Variants in RPS6KA2 observed in about 807,000 individuals in gnomAD.
RPS6KA2 encodes the protein ribosomal protein S6 kinase alpha-2.
RPS6KA2 carries 42 observed loss-of-function variants against 91.8 expected under a neutral mutation model. The ratio of observed to expected loss-of-function variants is 0.46; its 90% CI spans 0.36 to 0.59. The LOEUF is 0.59. Ranked by LOEUF, RPS6KA2 falls within the 20% of genes least tolerant of loss-of-function variation. The pLI is 0.00. For missense variants in RPS6KA2, 798 were observed against 978.5 expected, an observed-to-expected ratio of 0.82 and a Z score of 2.46; for synonymous variants, 414 against 393.6, an observed-to-expected ratio of 1.05 and a Z score of -0.61.
At chr6:166,671,059 C>T (rs74610161) in intron 2 of RPS6KA2, among the ~76,000 whole-genome samples, 17,341 of 152,126 alleles carry the variant, frequency 0.11, 1,041 homozygotes, top group Admixed American at 0.14. Flanking sequence ...GTGATCCACC[C>T]GTCTCTACCT....
At chr6:166,456,779 CTTCA>C (rs1780119826) in intron 12 of RPS6KA2, among the ~76,000 whole-genome samples, 1 of 152,210 alleles carries the variant, frequency 6.6e-6, no homozygotes. Flanking sequence ...GTCTTTAGCA[CTTCA>C]ATTACTACCT....
At chr6:166,676,252 G>A (rs1238423612) in intron 2 of RPS6KA2, among the ~76,000 whole-genome samples, 2 of 151,574 alleles carry the variant, frequency 1.3e-5, no homozygotes, top group Non-Finnish European at 2.9e-5. Context: ...AGGAGGCGGA[G>A]GTTGCAGTGA....
intron 1 of RPS6KA2, among the ~76,000 whole-genome samples, chr6:166,551,935 G>GCGACAAACTGAAGTCGTTGACA (rs1262267659): frequency 1.3e-5 from 2 of 152,228 alleles, no homozygotes; most frequent in Admixed American, 1.3e-4. Context: ...TTCAAGTGAG[G>GCGACAAACTGAAGTCGTTGACA]CGACAAACTG....
In RPS6KA2 at chr6:166,666,332, A is replaced by G. The variant is rs1225737885; in HGVS notation, c.124-127548T>C. Among the ~76,000 whole-genome samples the G allele has an allele frequency of 6.6e-6, 1 of 152,208 alleles. No individual in the cohort carries two copies. The highest frequency in any genetic ancestry group is 1.5e-5 in the Non-Finnish European group (1 of 68,038). Reference sequence around the variant, plus strand: ...AACCCATCCATCTTCCTAGCGCATCAATAATAATGTTCCACTAGCTAGTCA... The same window carrying G: ...AACCCATCCATCTTCCTAGCGCATCGATAATAATGTTCCACTAGCTAGTCA... On this transcript the variant is annotated intron_variant, in intron 2 of 21. Coordinates refer to the RPS6KA2 transcript ENST00000503859. The surrounding 1 kb of genome is among the most constrained non-coding windows in gnomAD (Gnocchi z 4.0).
chr6:166,787,987 A>AC (rs1400501654), intron 2 of RPS6KA2, among the ~76,000 whole-genome samples: 3 of 151,792 alleles, frequency 2.0e-5, no homozygotes, highest in African/African-American at 4.8e-5. Flanking sequence ...AAAAAAAAAA[A>AC]AAAAAACCAA....
At chr6:166,749,775 T>G (rs115146108) in intron 2 of RPS6KA2, among the ~76,000 whole-genome samples, 5,315 of 95,146 alleles carry the variant, frequency 0.056, 130 homozygotes, top group South Asian at 0.13. Context: ...AGGCCCCCAT[T>G]TCCTCAGGTC....
intron 2 of RPS6KA2, among the ~76,000 whole-genome samples, chr6:166,658,974 A>C (rs1788080679): frequency 6.6e-6 from 1 of 152,212 alleles, no homozygotes; most frequent in East Asian, 1.9e-4. Flanking sequence ...ACCCCGACCA[A>C]TGACATCCAC....
chr6:166,561,109 A>G (rs1176578259), intron 1 of RPS6KA2, among the ~76,000 whole-genome samples: 5 of 152,138 alleles, frequency 3.3e-5, no homozygotes, highest in Non-Finnish European at 7.4e-5. Context: ...ACAATCATAT[A>G]AACGACCTTC....
At chr6:166,758,690 G>A (rs1035340974) in intron 2 of RPS6KA2, among the ~76,000 whole-genome samples, 14 of 152,290 alleles carry the variant, frequency 9.2e-5, no homozygotes, top group East Asian at 1.9e-4. Flanking sequence ...TAGAGGCCAC[G>A]GCTAAGGATG....
At chr6:166,679,562 AAG>A (rs1395821596) in intron 2 of RPS6KA2, among the ~76,000 whole-genome samples, 1 of 152,214 alleles carries the variant, frequency 6.6e-6, no homozygotes, top group Non-Finnish European at 1.5e-5. Flanking sequence ...CATAGCCAAA[AAG>A]AGCTTGAACG....
Position 166,732,568 on chromosome 6 carries a change from C to A in RPS6KA2, c.123+125632G>T, listed in dbSNP as rs1790560172. On this transcript the variant is annotated intron_variant, in intron 2 of 21. Transcript: ENST00000503859. This position sits in a 1 kb window ranked among gnomAD's most constrained non-coding sequence, Gnocchi z 4.0. ...ATGATTTGAAAAACAGATGCCCACTCCAAGTCCATTCAACAGCCATCCACT... is the reference window on the plus strand; with the variant it reads ...ATGATTTGAAAAACAGATGCCCACTACAAGTCCATTCAACAGCCATCCACT... Among the ~76,000 whole-genome samples the A allele has an allele frequency of 2.0e-5, 3 of 152,362 alleles. No homozygotes were observed. Among genetic ancestry groups the A allele is most frequent in the Admixed American group, 2.0e-4 (3 of 15,304 alleles).
At chr6:166,673,196 G>A (rs769026949) in intron 2 of RPS6KA2, among the ~76,000 whole-genome samples, 1 of 152,182 alleles carries the variant, frequency 6.6e-6, no homozygotes, top group Non-Finnish European at 1.5e-5. Context: ...ACACTGTAGC[G>A]CTCTGAGCCA....
rs1476338483 is a variant in RPS6KA2, at chr6:166,665,900, G to A, written c.124-127116C>T. On this transcript the variant is annotated intron_variant, in intron 2 of 21. Coordinates refer to the RPS6KA2 transcript ENST00000503859. The surrounding 1 kb of genome is among the most constrained non-coding windows in gnomAD (Gnocchi z 4.5). ...GGCCCCCAGCCTGCTTCCTGGGCAG[G>A]AAATTCACATGTGAAATCCAGTTTC... Among the ~76,000 whole-genome samples, 1 of 152,190 alleles carries A rather than the reference G, an allele frequency of 6.6e-6. No homozygotes were observed. Among genetic ancestry groups the A allele is most frequent in the African/African-American group, 2.4e-5 (1 of 41,444 alleles).
At chr6:166,845,329 A>C (rs1780579376) in intron 2 of RPS6KA2, among the ~76,000 whole-genome samples, 1 of 152,172 alleles carries the variant, frequency 6.6e-6, no homozygotes, top group African/African-American at 2.4e-5. Flanking sequence ...ACAAAGAAAT[A>C]ATGGACTTAA....
At chr6:166,858,469 GGTAA>G (rs1291561214) in intron 1 of RPS6KA2, among the ~76,000 whole-genome samples, 4 of 152,204 alleles carry the variant, frequency 2.6e-5, no homozygotes, top group Non-Finnish European at 4.4e-5. Context: ...TACAACAGGT[GGTAA>G]GTAAGGCAAG....
chr6:166,747,872 C>G (rs1354100707), intron 2 of RPS6KA2, among the ~76,000 whole-genome samples: 5 of 152,210 alleles, frequency 3.3e-5, no homozygotes, highest in Non-Finnish European at 4.4e-5. Flanking sequence ...TCCTGAAGCT[C>G]TTACAGCAGA....
chr6:166,518,948 T>C (rs1465195599), intron 3 of RPS6KA2, among the ~76,000 whole-genome samples: 3 of 152,222 alleles, frequency 2.0e-5, no homozygotes, highest in East Asian at 1.9e-4. Flanking sequence ...GACCTCACCA[T>C]TGCCCACCCT....
At chr6:166,718,263 A>C (rs771330207) in intron 2 of RPS6KA2, among the ~76,000 whole-genome samples, 7 of 152,208 alleles carry the variant, frequency 4.6e-5, no homozygotes, top group Non-Finnish European at 8.8e-5. Flanking sequence ...CTTATCTAGC[A>C]CAGGGCACCA....
chr6:166,696,094 A>G (rs1336774753), intron 2 of RPS6KA2, among the ~76,000 whole-genome samples: 1 of 152,124 alleles, frequency 6.6e-6, no homozygotes, highest in Non-Finnish European at 1.5e-5. Context: ...CCGGTCCCTG[A>G]TGTCAAAAAG....
Sources: gnomAD v4.1 joint callset for allele counts (sites outside exome capture counted in the v4.1 genomes callset) on GRCh38, gnomAD v4.1.1 for gene constraint, Gnocchi (gnomAD v3.1) non-coding constraint, MANE v1.5 for transcripts, NCBI Gene and HGNC (gene_info 2026-07-23, HGNC 2026-07-21) for gene names.